Variants in SLIT3 observed in about 807,000 individuals in gnomAD.
SLIT3 encodes slit guidance ligand 3.
A neutral mutation model predicts 184.0 loss-of-function variants in SLIT3; 68 were observed. The ratio of observed to expected loss-of-function variants is 0.37; its 90% CI spans 0.30 to 0.45. The LOEUF (loss-of-function observed/expected upper bound fraction) is 0.45, where lower values mean the gene tolerates loss of function less well. SLIT3 is among the 20% of genes least tolerant of loss of function. The pLI is 1.00. For missense variants in SLIT3, 1,707 were observed against 2,026.0 expected (o/e 0.84, Z 3.02); for synonymous variants, 831 against 828.6 (o/e 1.00, Z -0.05).
At chr5:168,871,979 G>A (rs1196933754) in intron 5 of SLIT3, among the ~76,000 whole-genome samples, 1 of 152,168 alleles carries the variant, frequency 6.6e-6, no homozygotes, top group African/African-American at 2.4e-5. Context: ...AATGGGCAGG[G>A]TCTTTGGACC....
chr5:168,940,929 T>TC (rs1178200670), intron 4 of SLIT3, among the ~76,000 whole-genome samples: 1 of 152,000 alleles, frequency 6.6e-6, no homozygotes, highest in African/African-American at 2.4e-5. Context: ...CCACTCAGGA[T>TC]CCCCCAGGAC....
intron 4 of SLIT3, among the ~76,000 whole-genome samples, chr5:169,187,600 G>C (rs1277087795): frequency 7.0e-6 from 1 of 143,718 alleles, no homozygotes; most frequent in African/African-American, 2.6e-5. Flanking sequence ...TGCCATCCAA[G>C]CTAGAGTGCC....
At chr5:168,976,837 CTT>C (rs1444223299) in intron 4 of SLIT3, among the ~76,000 whole-genome samples, 1 of 152,222 alleles carries the variant, frequency 6.6e-6, no homozygotes, top group African/African-American at 2.4e-5. Flanking sequence ...TATTTTGTCT[CTT>C]ATTCCTTCTG....
intron 16 of SLIT3, among the ~76,000 whole-genome samples, chr5:168,758,744 A>C (rs1240673048): frequency 6.6e-6 from 1 of 152,216 alleles, no homozygotes; most frequent in African/African-American, 2.4e-5. Flanking sequence ...GATGCTGCCC[A>C]GGGCCTAGAA....
chr5:169,006,156 T>A (rs1272857978), intron 4 of SLIT3, among the ~76,000 whole-genome samples: 1 of 152,182 alleles, frequency 6.6e-6, no homozygotes, highest in Non-Finnish European at 1.5e-5. Context: ...CCAAGGCCAC[T>A]GCTGTCTTAC....
chr5:169,223,226 CA>C (rs1764677055), intron 3 of SLIT3, among the ~76,000 whole-genome samples: 2 of 152,090 alleles, frequency 1.3e-5, no homozygotes, highest in South Asian at 2.1e-4. Context: ...GACTTGTTGC[CA>C]AAACCAAGAT....
At position 169,181,756 on chromosome 5, in the gene SLIT3, T is replaced by A. The variant is rs76413234; in HGVS notation, c.413+11723A>T. 7.9e-3 allele frequency among the ~76,000 whole-genome samples: 1,042 copies of A among 131,764 alleles called. 4 individuals carry two copies. The highest frequency in any genetic ancestry group is 0.02 in the Middle Eastern group (5 of 244). 86.4% of individuals were successfully genotyped at this position (131,764 alleles called of 152,430 possible). A position where few individuals can be genotyped will look rare whatever the true frequency, so the allele number is the denominator to read the frequency against. On this transcript the variant is annotated intron_variant, in intron 4 of 35. Coordinates refer to ENST00000519560, the MANE Select transcript of SLIT3 (RefSeq NM_003062.4). ...ACTTCATCTCAAAAAAAAAAAAAAA[T>A]TATTGAAGTTAGATTTATCTGAGTA... is the stretch of plus-strand genomic sequence containing the variant.
At chr5:168,789,717 A>T in intron 10 of SLIT3, 86 bp from the exon 11 acceptor site, 1 of 957,912 alleles carries the variant, frequency 1.0e-6, no homozygotes, top group South Asian at 1.4e-5. Context: ...CATTTCAGAC[A>T]TTCAAAATGG....
In SLIT3 at chr5:169,158,509, T is replaced by C. The variant is rs1762379149; in HGVS notation, c.413+34970A>G. Among the ~76,000 whole-genome samples the C allele has an allele frequency of 1.3e-5, 2 of 152,004 alleles. 1 individual carries two copies. Among genetic ancestry groups the C allele is most frequent in the South Asian group, 4.1e-4 (2 of 4,820 alleles). On this transcript the variant is annotated intron_variant, in intron 4 of 35. Transcript: ENST00000519560. ...CCTCTAAACAAAAAGAAAATGACTA[T>C]TAGAATATTCAGAAAAAGGAAGAAC... is the stretch of plus-strand genomic sequence containing the variant.
At chr5:168,817,774 G>A (rs976342253) in intron 7 of SLIT3, among the ~76,000 whole-genome samples, 9 of 152,170 alleles carry the variant, frequency 5.9e-5, no homozygotes, top group Admixed American at 2.6e-4. Context: ...TTATTACAGT[G>A]ACATCCTGAT....
At chr5:168,739,306 C>T (rs1329172708) in intron 20 of SLIT3, among the ~76,000 whole-genome samples, 1 of 152,170 alleles carries the variant, frequency 6.6e-6, no homozygotes, top group Non-Finnish European at 1.5e-5. Flanking sequence ...TGCAGTTCCA[C>T]ACTACAACTA....
At chr5:169,114,625 C>T (rs1397152955) in intron 4 of SLIT3, among the ~76,000 whole-genome samples, 2 of 152,208 alleles carry the variant, frequency 1.3e-5, no homozygotes, top group African/African-American at 2.4e-5. Context: ...CAGTACATTT[C>T]AATTCCCAGT....
chr5:169,265,243 C>T (rs148118637), intron 1 of SLIT3, among the ~76,000 whole-genome samples: 213 of 152,298 alleles, frequency 1.4e-3, no homozygotes, highest in African/African-American at 4.8e-3. Flanking sequence ...GGTAGCCCAC[C>T]GGTGAGTTCT....
intron 1 of SLIT3, among the ~76,000 whole-genome samples, chr5:169,290,693 C>T (rs1009939111): frequency 1.4e-5 from 2 of 139,660 alleles, no homozygotes; most frequent in East Asian, 2.2e-4. Flanking sequence ...TGCTGGGGCA[C>T]GCACTAGGGC....
intron 4 of SLIT3, among the ~76,000 whole-genome samples, chr5:169,149,584 A>C (rs177072): frequency 2.1e-4 from 32 of 152,336 alleles, no homozygotes; most frequent in Non-Finnish European, 4.4e-4. Context: ...GCCACCGTTT[A>C]CCTACTTTTG....
intron 8 of SLIT3, among the ~76,000 whole-genome samples, chr5:168,808,446 A>C (rs1367880851): frequency 1.3e-5 from 2 of 152,206 alleles, no homozygotes; most frequent in Admixed American, 1.3e-4. Context: ...AAAATGGGGA[A>C]AATAACAATA....
intron 25 of SLIT3, among the ~76,000 whole-genome samples, chr5:168,709,261 A>C (rs1580987856): frequency 6.6e-6 from 1 of 151,876 alleles, no homozygotes; most frequent in African/African-American, 2.4e-5. Context: ...ACACCTGGCT[A>C]ATTTTTGTAT....
At chr5:169,250,086 GCA>G (rs1432423841) in intron 2 of SLIT3, among the ~76,000 whole-genome samples, 1 of 152,226 alleles carries the variant, frequency 6.6e-6, no homozygotes, top group Non-Finnish European at 1.5e-5. Context: ...AGGTTAGAAA[GCA>G]CAGAGTCTAG....
At chr5:169,291,046 A>AG (rs1491418415) in intron 1 of SLIT3, among the ~76,000 whole-genome samples, 5 of 152,120 alleles carry the variant, frequency 3.3e-5, no homozygotes, top group Non-Finnish European at 5.9e-5. Flanking sequence ...GGAATGAATC[A>AG]GGGGTCAGGA....
Sources: gnomAD v4.1 joint callset for allele counts (sites outside exome capture counted in the v4.1 genomes callset) on GRCh38, gnomAD v4.1.1 for gene constraint, MANE v1.5 for transcripts, NCBI Gene and HGNC (gene_info 2026-07-23, HGNC 2026-07-21) for gene names.